The following PID1 variants were observed in gnomAD, a reference collection of about 807,000 sequenced individuals.
PID1 encodes phosphotyrosine interaction domain containing 1, also known as PTB-containing, cubilin and LRP1-interacting protein.
In PID1, 10 loss-of-function variants were observed where a neutral mutation model predicts 19.1. The ratio of observed to expected loss-of-function variants is 0.52; its 90% CI spans 0.32 to 0.89. PID1 has a LOEUF of 0.89. Among genes scored for constraint, PID1 ranks in the 40% least tolerant of loss-of-function variants. The pLI is 0.03. For synonymous variants in PID1, 130 were observed against 116.0 expected (o/e 1.12, Z -0.78); for missense variants, 248 against 285.3 (o/e 0.87, Z 0.94).
intron 2 of PID1, among the ~76,000 whole-genome samples, chr2:229,087,279 A>G (rs1280505115): frequency 6.6e-6 from 1 of 152,200 alleles, no homozygotes; most frequent in East Asian, 1.9e-4. Flanking sequence ...TGTGGAACTC[A>G]GCATATTTTT....
chr2:229,155,779 TCTCA>T, intron 2 of PID1, 35 bp downstream of exon 2: 2 of 1,560,560 alleles, frequency 1.3e-6, no homozygotes, highest in Non-Finnish European at 1.7e-6. Context: ...TTTGAGGCTA[TCTCA>T]CCAAGAGAAC....
At chr2:229,185,886 T>C (rs949060696) in intron 1 of PID1, among the ~76,000 whole-genome samples, 2 of 152,162 alleles carry the variant, frequency 1.3e-5, no homozygotes, top group Non-Finnish European at 2.9e-5. Flanking sequence ...TCCAAAGTCT[T>C]AACTGATTTC....
At chr2:229,251,338 G>C (rs1690144982) in intron 1 of PID1, among the ~76,000 whole-genome samples, 1 of 151,832 alleles carries the variant, frequency 6.6e-6, no homozygotes, top group Admixed American at 6.6e-5. Flanking sequence ...TGGCCTGGAA[G>C]TAATTCCATG....
At chr2:229,248,773 A>T (rs1168876649) in intron 1 of PID1, among the ~76,000 whole-genome samples, 7 of 152,016 alleles carry the variant, frequency 4.6e-5, no homozygotes, top group African/African-American at 1.2e-4. Flanking sequence ...ATTTTTTTTT[A>T]AAGTGCTAAA....
chr2:229,199,848 G>C (rs1691459001), intron 1 of PID1, among the ~76,000 whole-genome samples: 2 of 151,432 alleles, frequency 1.3e-5, no homozygotes, highest in African/African-American at 4.8e-5. Context: ...CTGCAAGTCA[G>C]AGCTTGTCTG....
intron 1 of PID1, among the ~76,000 whole-genome samples, chr2:229,243,315 C>T (rs1191317757): frequency 1.3e-5 from 2 of 152,096 alleles, no homozygotes; most frequent in South Asian, 2.1e-4. Flanking sequence ...GTGGGAGTTA[C>T]AATTCAAGAT....
At chr2:229,115,312 C>A (rs184137120) in intron 2 of PID1, among the ~76,000 whole-genome samples, 1 of 150,926 alleles carries the variant, frequency 6.6e-6, no homozygotes, top group African/African-American at 2.4e-5. Context: ...TTGAGACCAG[C>A]CTGGGCAACA....
At position 229,225,822 on chromosome 2, in the gene PID1, C is replaced by A. The variant is rs374438750; in HGVS notation, c.30+45192G>T. Among the ~76,000 whole-genome samples the A allele has an allele frequency of 1.1e-4, 17 of 152,176 alleles. No homozygotes were observed. The East Asian group carries it at 2.5e-3, about 23-fold the overall frequency. On this transcript the variant is annotated intron_variant, in intron 1 of 2. Coordinates refer to ENST00000392055, the MANE Select transcript of PID1 (RefSeq NM_001100818.2). ...AAGAGGGAAAAGTTCCCTATAAAAC[C>A]ATCAGATCTCGTGAGAACTAACTCA...
At chr2:229,128,377 C>G (rs1269108485) in intron 2 of PID1, among the ~76,000 whole-genome samples, 2 of 152,152 alleles carry the variant, frequency 1.3e-5, no homozygotes, top group African/African-American at 4.8e-5. Flanking sequence ...CTGTTGTATT[C>G]CAGTAATTAG....
chr2:229,262,576 A>G (rs1384504718), intron 1 of PID1: 7 of 1,441,022 alleles, frequency 4.9e-6, no homozygotes, highest in Middle Eastern at 2.1e-4. Flanking sequence ...GTGACCAAAC[A>G]TAGTCAAGAG....
At chr2:229,108,462 G>A (rs1232003299) in intron 2 of PID1, among the ~76,000 whole-genome samples, 1 of 152,226 alleles carries the variant, frequency 6.6e-6, no homozygotes, top group East Asian at 1.9e-4. Context: ...ATCTCAGCAA[G>A]GGGAGGCAAG....
chr2:229,121,143 A>G (rs961973085), intron 2 of PID1, among the ~76,000 whole-genome samples: 1 of 152,186 alleles, frequency 6.6e-6, no homozygotes, highest in African/African-American at 2.4e-5. Context: ...TATTGGTTAT[A>G]AGTCCTATTG....
At chr2:229,080,989 T>C (rs1359440926) in intron 2 of PID1, among the ~76,000 whole-genome samples, 1 of 152,234 alleles carries the variant, frequency 6.6e-6, no homozygotes, top group Non-Finnish European at 1.5e-5. Flanking sequence ...TTGTTATTGC[T>C]GGATGCTAGT....
At chr2:229,148,287 A>G (rs992656086) in intron 2 of PID1, among the ~76,000 whole-genome samples, 1 of 152,226 alleles carries the variant, frequency 6.6e-6, no homozygotes, top group African/African-American at 2.4e-5. Flanking sequence ...TTAAAACCAC[A>G]TGTATAATAT....
At position 229,113,396 on chromosome 2, in the gene PID1, TTATA is replaced by T. The variant is rs201928895; in HGVS notation, c.177+42418_177+42421del. 5.6e-3 allele frequency among the ~76,000 whole-genome samples: 798 copies of T among 142,236 alleles called. 8 individuals are homozygous for T. Among genetic ancestry groups the T allele is most frequent in the African/African-American group, 0.02 (748 of 37,224 alleles). 93.3% of individuals were successfully genotyped at this position (142,236 alleles called of 152,430 possible). ...AGCCCCTACTATTTTTTATATATAT[TTATA>T]TATATATATTTATATATATATACAC... On this transcript the variant is annotated intron_variant, in intron 2 of 2. Coordinates refer to ENST00000392055, the MANE Select transcript of PID1 (RefSeq NM_001100818.2).
chr2:229,036,576 C>T (rs4973147), intron 2 of PID1, among the ~76,000 whole-genome samples: 21,158 of 151,988 alleles, frequency 0.14, 1,781 homozygotes, highest in East Asian at 0.34. Flanking sequence ...CAGTGAACTC[C>T]TCCTCTACTA....
intron 2 of PID1, among the ~76,000 whole-genome samples, chr2:229,053,830 G>A (rs1310777916): frequency 6.6e-6 from 1 of 152,132 alleles, no homozygotes; most frequent in African/African-American, 2.4e-5. Context: ...CAGCAATCAG[G>A]GAGAGCCCAA....
chr2:229,040,040 C>A (rs1182944144), intron 2 of PID1, among the ~76,000 whole-genome samples: 1 of 151,276 alleles, frequency 6.6e-6, no homozygotes, highest in Non-Finnish European at 1.5e-5. Flanking sequence ...TCCATCTAAT[C>A]TACTATTCCA....
chr2:229,115,418 G>A (rs201355922), intron 2 of PID1, among the ~76,000 whole-genome samples: 4 of 124,182 alleles, frequency 3.2e-5, no homozygotes, highest in African/African-American at 5.8e-5. Context: ...AAAAAAAAAA[G>A]AAGAGAAGAG....
Sources: allele counts gnomAD v4.1 joint callset (sites outside exome capture counted in the v4.1 genomes callset), GRCh38; gene constraint gnomAD v4.1.1; transcripts MANE v1.5; gene names NCBI Gene and HGNC (gene_info 2026-07-23, HGNC 2026-07-21).